TTC7A: variants seen among roughly 807,000 people sequenced by gnomAD.
The protein encoded by TTC7A is tetratricopeptide repeat domain 7A.
A neutral mutation model predicts 103.7 loss-of-function variants in TTC7A; 110 were observed. The ratio of observed to expected loss-of-function variants is 1.06; its 90% CI spans 0.91 to 1.24. TTC7A has a LOEUF of 1.24. Ranked by LOEUF, TTC7A falls within the 50% of genes most tolerant of loss-of-function variation. TTC7A has a pLI of 0.00. For missense variants in TTC7A, 1,340 were observed against 1,116.3 expected (o/e 1.20, Z -2.86); for synonymous variants, 521 against 467.9 (o/e 1.11, Z -1.47).
At position 46,941,635 on chromosome 2, in the gene TTC7A, C is replaced by G. The variant is rs144050892; in HGVS notation, c.94C>G (p.Leu32Val). 6.6e-4 allele frequency: 1,031 copies of G among 1,554,222 alleles called. 12 individuals are homozygous for G. In the East Asian group the frequency reaches 0.019, roughly 29 times the overall value. The change falls in exon 1 of 20, where the codon CTG (leucine) becomes GTG (valine). Residue 32 changes from leucine (L) to valine (V), a missense_variant. By Grantham distance (32) the Leu-to-Val change is conservative. Transcript: ENST00000319190. This position sits in a 1 kb window ranked among gnomAD's most constrained non-coding sequence, Gnocchi z 4.2. ...AEGHWDRMPE[L>V]VRQLQTLSMP... ...GGGCCACTGGGACCGCATGCCGGAG[C>G]TGGTCCGGCAGCTGCAGACGCTGAG...
intron 5 of TTC7A, among the ~76,000 whole-genome samples, chr2:46,993,150 A>G (rs1409353796): frequency 6.6e-6 from 1 of 152,234 alleles, no homozygotes; most frequent in Non-Finnish European, 1.5e-5. Context: ...TCTTAGTCCA[A>G]GGTCACACCT....
At chr2:47,014,198 C>T (rs774429488) in intron 11 of TTC7A, among the ~76,000 whole-genome samples, 7 of 152,150 alleles carry the variant, frequency 4.6e-5, no homozygotes, top group Non-Finnish European at 8.8e-5. Flanking sequence ...AACTTGCTCA[C>T]TTGCCATGTC....
intron 3 of TTC7A, among the ~76,000 whole-genome samples, chr2:46,962,773 A>T (rs1464415146): frequency 1.3e-5 from 2 of 152,204 alleles, no homozygotes; most frequent in Non-Finnish European, 2.9e-5. Context: ...GCCATTTGTG[A>T]AGAGTCCCCT....
chr2:46,962,872 T>C (rs951045489), intron 3 of TTC7A, among the ~76,000 whole-genome samples: 1 of 152,268 alleles, frequency 6.6e-6, no homozygotes, highest in Non-Finnish European at 1.5e-5. Context: ...AGGGCTTGTT[T>C]GCCAGGTTTG....
chr2:47,006,570 C>A, intron 9 of TTC7A, 71 bp from the exon 10 acceptor site: 1 of 1,382,104 alleles, frequency 7.2e-7, no homozygotes, highest in South Asian at 1.2e-5. Context: ...CAGTAACTAC[C>A]CTGGAAGGGT....
intron 3 of TTC7A, among the ~76,000 whole-genome samples, chr2:46,973,787 C>T (rs7564680): frequency 0.13 from 19,156 of 152,128 alleles, 1,365 homozygotes; most frequent in African/African-American, 0.19. Flanking sequence ...AGAAAAAAGT[C>T]GGGTACAGTC....
intron 1 of TTC7A, among the ~76,000 whole-genome samples, chr2:46,948,491 A>G (rs1197679269): frequency 2.0e-5 from 3 of 152,204 alleles, no homozygotes; most frequent in Non-Finnish European, 2.9e-5. Context: ...CATGAGGTAC[A>G]TAGCAAAGGA....
chr2:46,928,081 G>C (rs1160907544), intron 2 of TTC7A, among the ~76,000 whole-genome samples: 1 of 151,062 alleles, frequency 6.6e-6, no homozygotes, highest in Admixed American at 6.6e-5. Context: ...TTGTAGAGAC[G>C]GGTTTTTGCC....
Position 47,014,405 on chromosome 2 carries a change from G to A in TTC7A, c.1392+2970G>A, listed in dbSNP as rs563347658. ...GCACTGTAAAGAGAGCAGGCTGTGGGATATCCAAGGGTTCTGAGAAGGGAG... is the reference window on the plus strand; with the variant it reads ...GCACTGTAAAGAGAGCAGGCTGTGGAATATCCAAGGGTTCTGAGAAGGGAG... On this transcript the variant is annotated intron_variant, in intron 11 of 19. Transcript: ENST00000319190. Among the ~76,000 whole-genome samples, 221 of 152,300 alleles carry A rather than the reference G, an allele frequency of 1.5e-3. 1 individual carries two copies. Among genetic ancestry groups the A allele is most frequent in the Non-Finnish European group, 2.6e-3 (180 of 68,020 alleles).
chr2:46,941,364 GTGC>G lies in TTC7A; in HGVS notation c.-159_-157del, dbSNP rs997844606. 1.5e-3 allele frequency: 565 copies of G among 381,256 alleles called. No individual in the cohort carries two copies. Among genetic ancestry groups the G allele is most frequent in the East Asian group, 3.9e-3 (48 of 12,232 alleles). 23.6% of individuals were successfully genotyped at this position (381,256 alleles called of 1,614,324 possible). On this transcript the variant is annotated 5_prime_UTR_variant, in exon 1 of 20. Transcript: ENST00000319190. The surrounding 1 kb of genome is among the most constrained non-coding windows in gnomAD (Gnocchi z 4.2). ...CCGGGCGGTGCGCTGGGAGCTGCTG[GTGC>G]TGCTGCTGCTGCTGCTGCCCACCCT... is the stretch of plus-strand genomic sequence containing the variant.
chr2:46,992,001 G>T (rs1248526651), intron 5 of TTC7A, among the ~76,000 whole-genome samples: 1 of 152,200 alleles, frequency 6.6e-6, no homozygotes, highest in African/African-American at 2.4e-5. Flanking sequence ...TGGCTCCCAG[G>T]CCCCAAAGCC....
chr2:47,026,491 C>T (rs565622964), intron 14 of TTC7A, among the ~76,000 whole-genome samples: 11 of 152,108 alleles, frequency 7.2e-5, no homozygotes, highest in Non-Finnish European at 1.3e-4. Context: ...GACTGGGGAC[C>T]CAAGGCCCCG....
At chr2:46,978,451 G>C (rs886942449) in intron 4 of TTC7A, among the ~76,000 whole-genome samples, 1 of 151,902 alleles carries the variant, frequency 6.6e-6, no homozygotes, top group Non-Finnish European at 1.5e-5. Flanking sequence ...TAGGGGCTTA[G>C]TGCAGTGGTT....
intron 2 of TTC7A, among the ~76,000 whole-genome samples, chr2:46,919,673 C>T (rs779566169): frequency 6.6e-6 from 1 of 152,154 alleles, no homozygotes; most frequent in Non-Finnish European, 1.5e-5. Flanking sequence ...GCTGTTGGGC[C>T]CTGTGGTAAT....
chr2:46,950,380 C>G lies in TTC7A; in HGVS notation c.202C>G (p.Leu68Val), dbSNP rs923640720. Residue 68 changes from leucine to valine, a missense_variant, in exon 2 of 20, where the codon CTG becomes GTG. Transcript: ENST00000319190. ...FPDTDDFGKL[L>V]LAEALLEQCL... Reference sequence around the variant, plus strand: ...CTTTTCAGATGACTTTGGGAAATTGCTGCTGGCTGAGGCCCTCCTGGAGCA... The same window carrying G: ...CTTTTCAGATGACTTTGGGAAATTGGTGCTGGCTGAGGCCCTCCTGGAGCA... The G allele has an allele frequency of 6.8e-6, 11 of 1,614,076 alleles. No individual in the cohort carries two copies. Among genetic ancestry groups the G allele is most frequent in the South Asian group, 1.1e-5 (1 of 91,082 alleles).
chr2:47,032,939 G>C (rs1680722539), intron 15 of TTC7A, among the ~76,000 whole-genome samples: 1 of 151,400 alleles, frequency 6.6e-6, no homozygotes, highest in African/African-American at 2.4e-5. Flanking sequence ...TGGCTGGGGT[G>C]GGGCTGAGAA....
At chr2:46,966,547 A>G (rs1027365868) in intron 3 of TTC7A, among the ~76,000 whole-genome samples, 2 of 150,980 alleles carry the variant, frequency 1.3e-5, no homozygotes, top group African/African-American at 4.9e-5. Flanking sequence ...GTAACGTTCT[A>G]TCCTAATTTT....
chr2:47,013,408 G>T (rs1278631704), intron 11 of TTC7A, among the ~76,000 whole-genome samples: 1 of 152,132 alleles, frequency 6.6e-6, no homozygotes, highest in African/African-American at 2.4e-5. Flanking sequence ...AGTGTGCAGA[G>T]CAGGTGGGCT....
upstream of TTC7A, among the ~76,000 whole-genome samples, chr2:46,936,808 T>C (rs907361183): frequency 6.6e-6 from 1 of 152,110 alleles, no homozygotes; most frequent in East Asian, 1.9e-4. Context: ...TCCAGTGGTC[T>C]TCTTTTTTTT....
Sources: allele counts gnomAD v4.1 joint callset (sites outside exome capture counted in the v4.1 genomes callset), GRCh38; gene constraint gnomAD v4.1.1; non-coding constraint Gnocchi (gnomAD v3.1); transcripts MANE v1.5; gene names NCBI Gene and HGNC (gene_info 2026-07-23, HGNC 2026-07-21).